Variants in AURKA observed in about 807,000 individuals in gnomAD.
The protein encoded by AURKA is aurora kinase A, also known as aurora 2.
In AURKA, 12 loss-of-function variants were observed where a neutral mutation model predicts 40.9. That is an observed-to-expected ratio of 0.29 (90% CI 0.19 to 0.48). The LOEUF (loss-of-function observed/expected upper bound fraction) is 0.48, where lower values mean the gene tolerates loss of function less well. AURKA is among the 20% of genes least tolerant of loss of function. The pLI, the probability that AURKA is intolerant of heterozygous loss-of-function variation, is 0.99. For synonymous variants in AURKA, 170 were observed against 164.3 expected (o/e 1.03, Z -0.26); for missense variants, 322 against 462.1 (o/e 0.70, Z 2.78).
rs767390947 is a variant in AURKA at position 56,386,224 on chromosome 20, G to A, written c.319+33C>T. ...CTTTTTTAGCAACGACGACAAAGAA[G>A]GACTATCCAATGAGTCTCAAAAGCT... On this transcript the variant is annotated intron_variant, in intron 3 of 8. Transcript: ENST00000395915. 1.9e-6 allele frequency: 3 copies of A among 1,613,674 alleles called. No homozygotes were observed. In the African/African-American group the frequency reaches 4.0e-5, roughly 22 times the overall value.
At position 56,383,051 on chromosome 20, in the gene AURKA, G is replaced by A. The variant is rs1205976211; in HGVS notation, c.500C>T (p.Ala167Val). 6.2e-7 allele frequency: 1 copy of A among 1,614,066 alleles called. No homozygotes were observed. The highest frequency in any genetic ancestry group is 8.5e-7 in the Non-Finnish European group (1 of 1,180,046). The change falls in exon 5 of 9, where the codon GCT becomes GTT. Residue 167 changes from alanine to valine, a missense_variant. Coordinates refer to ENST00000395915, the MANE Select transcript of AURKA (RefSeq NM_198437.3). Reference sequence around the variant, plus strand: ...CTCCACTCCGGCTTTCTCCAGCTGAGCTTTAAATAACACTTTAAGAGCCAG... The same window carrying A: ...CTCCACTCCGGCTTTCTCCAGCTGAACTTTAAATAACACTTTAAGAGCCAG... ...FILALKVLFK[A>V]QLEKAGVEHQ...
At chr20:56,376,583 C>T (rs919024088) in intron 6 of AURKA, among the ~76,000 whole-genome samples, 4 of 151,294 alleles carry the variant, frequency 2.6e-5, no homozygotes, top group South Asian at 2.1e-4. Flanking sequence ...CCACACTACC[C>T]GGAGATCTCC....
intron 6 of AURKA, among the ~76,000 whole-genome samples, chr20:56,377,515 G>A (rs573514443): frequency 5.3e-5 from 8 of 152,280 alleles, no homozygotes; most frequent in South Asian, 2.1e-4. Context: ...AAGGCCGGGC[G>A]CAGTGGCTCA....
chr20:56,370,248 G>A lies in AURKA; in HGVS notation c.1122C>T (p.Leu374=), dbSNP rs763976457. ...LKHNPSQRPM[L]REVLEHPWIT... is the part of the protein sequence containing the mutation. ...TCCAGGGGTGTTCAAGTACTTCTCT[G>A]AGCATTGGCCTCTGGCTGGGATTAT... The change falls in exon 9 of 9, where the codon CTC becomes CTT. Residue 374 remains leucine, a synonymous_variant. Transcript: ENST00000395915. The A allele has an allele frequency of 1.9e-6, 3 of 1,614,056 alleles. No homozygotes were observed. The highest frequency in any genetic ancestry group is 2.5e-6 in the Non-Finnish European group (3 of 1,180,046).
chr20:56,387,487 A>G (rs145882845), intron 2 of AURKA, among the ~76,000 whole-genome samples: 79 of 152,300 alleles, frequency 5.2e-4, no homozygotes, highest in African/African-American at 1.9e-3. Flanking sequence ...TAAGTACTGT[A>G]TTACAACCTT....
intron 6 of AURKA, among the ~76,000 whole-genome samples, chr20:56,376,801 C>T (rs754537718): frequency 6.6e-6 from 1 of 152,130 alleles, no homozygotes; most frequent in Non-Finnish European, 1.5e-5. Flanking sequence ...CCTGGGAGGC[C>T]GGGTACAGTG....
chr20:56,384,999 CCT>C (rs1183906038), intron 3 of AURKA, among the ~76,000 whole-genome samples: 4 of 152,136 alleles, frequency 2.6e-5, no homozygotes. Context: ...TCCAGATGCC[CCT>C]GTCACATGTG....
At chr20:56,378,262 T>C (rs1985206927) in intron 6 of AURKA, among the ~76,000 whole-genome samples, 1 of 152,220 alleles carries the variant, frequency 6.6e-6, no homozygotes, top group Non-Finnish European at 1.5e-5. Context: ...CGTTGTATAA[T>C]GGTATCAGAA....
chr20:56,382,031 G>A (rs1337859956), intron 5 of AURKA, among the ~76,000 whole-genome samples: 1 of 152,098 alleles, frequency 6.6e-6, no homozygotes, highest in African/African-American at 2.4e-5. Context: ...AGGCTTGTTG[G>A]TGCATGCCTG....
At position 56,369,577 on chromosome 20, in the gene AURKA, G is replaced by A. The variant is rs1983821839; in HGVS notation, c.*581C>T. 3.9e-6 allele frequency: 1 copy of A among 254,338 alleles called. No homozygotes were observed. Among genetic ancestry groups the A allele is most frequent in the African/African-American group, 2.2e-5 (1 of 45,968 alleles). 15.8% of individuals were successfully genotyped at this position (254,338 alleles called of 1,614,324 possible). A position where few individuals can be genotyped will look rare whatever the true frequency, so the allele number is the denominator to read the frequency against. ...TCTCATATGGGAGATAAGTGGTTAA[G>A]GAGGACTAGAAACCCAATCAGGCCT... is the stretch of plus-strand genomic sequence containing the variant. On this transcript the variant is annotated 3_prime_UTR_variant, in exon 9 of 9. Transcript: ENST00000395915.
intron 1 of AURKA, among the ~76,000 whole-genome samples, chr20:56,391,192 C>T (rs1987065861): frequency 6.6e-6 from 1 of 152,198 alleles, no homozygotes; most frequent in East Asian, 1.9e-4. Context: ...CGGTTTATTC[C>T]TTCCTCCCTC....
chr20:56,380,787 C>A (rs1385271864), intron 6 of AURKA, among the ~76,000 whole-genome samples: 1 of 152,272 alleles, frequency 6.6e-6, no homozygotes, highest in East Asian at 1.9e-4. Flanking sequence ...CTCAAAAACC[C>A]ATAAGCCCAA....
At chr20:56,383,772 T>C (rs1035332549) in intron 4 of AURKA, among the ~76,000 whole-genome samples, 2 of 152,226 alleles carry the variant, frequency 1.3e-5, no homozygotes, top group Non-Finnish European at 2.9e-5. Flanking sequence ...TCCCGGTACA[T>C]TCTAGAGTCC....
intron 3 of AURKA, among the ~76,000 whole-genome samples, 157 bp from the exon 4 acceptor site, chr20:56,384,481 A>T (rs956284395): frequency 6.6e-6 from 1 of 152,180 alleles, no homozygotes; most frequent in Non-Finnish European, 1.5e-5. Context: ...CTTATAGAAA[A>T]AAAGGACTAC....
At chr20:56,374,024 C>A (rs1984611166) in intron 6 of AURKA, among the ~76,000 whole-genome samples, 1 of 130,804 alleles carries the variant, frequency 7.6e-6, no homozygotes, top group Admixed American at 7.1e-5. Flanking sequence ...TCTACACACA[C>A]ACACACACAC....
rs750995293 is a variant in AURKA, at chr20:56,381,576, A to C, written c.567-5T>G. 1 of 1,613,496 alleles carries C rather than the reference A, an allele frequency of 6.2e-7. No individual in the cohort carries two copies. Among genetic ancestry groups the C allele is most frequent in the Admixed American group, 1.7e-5 (1 of 60,012 alleles). ...AGTCTAAGAATATTAGGATGCCTGCAACAAAGGATAAACATTCTAACACTT... is the reference window on the plus strand; with the variant it reads ...AGTCTAAGAATATTAGGATGCCTGCCACAAAGGATAAACATTCTAACACTT... On this transcript the variant is annotated splice_polypyrimidine_tract_variant and splice_region_variant and intron_variant, in intron 5 of 8. Transcript: ENST00000395915.
chr20:56,386,245 A>C lies in AURKA; in HGVS notation c.319+12T>G. 1 of 1,614,204 alleles carries C rather than the reference A, an allele frequency of 6.2e-7. No individual in the cohort carries two copies. Among genetic ancestry groups the C allele is most frequent in the Non-Finnish European group, 8.5e-7 (1 of 1,180,032 alleles). The stretch of plus-strand genomic sequence containing the variant: ...AGAAGGACTATCCAATGAGTCTCAA[A>C]AGCTAGTTTACCAGGTGCCGATGGC... On this transcript the variant is annotated intron_variant, in intron 3 of 8. Coordinates refer to ENST00000395915, the MANE Select transcript of AURKA (RefSeq NM_198437.3).
At chr20:56,384,001 CAG>C (rs1569078810) in intron 4 of AURKA, among the ~76,000 whole-genome samples, 1 of 152,156 alleles carries the variant, frequency 6.6e-6, no homozygotes, top group African/African-American at 2.4e-5. Flanking sequence ...TTTCTAAGGA[CAG>C]AGAGGAACTT....
intron 6 of AURKA, among the ~76,000 whole-genome samples, chr20:56,379,732 C>A (rs1399226785): frequency 6.6e-6 from 1 of 151,386 alleles, no homozygotes; most frequent in South Asian, 2.1e-4. Context: ...GAGGCTGAGG[C>A]GGGCAGATTA....
Sources: allele counts gnomAD v4.1 joint callset (sites outside exome capture counted in the v4.1 genomes callset), GRCh38; gene constraint gnomAD v4.1.1; transcripts MANE v1.5; gene names NCBI Gene and HGNC (gene_info 2026-07-23, HGNC 2026-07-21).